FHIT: variants seen among roughly 807,000 people sequenced by gnomAD.
The protein encoded by FHIT is bis(5'-adenosyl)-triphosphatase.
In FHIT, 19 loss-of-function variants were observed where a neutral mutation model predicts 17.9. The observed-to-expected ratio is 1.06, with a 90% CI of 0.74 to 1.56. The LOEUF (loss-of-function observed/expected upper bound fraction) is 1.56. Among genes scored for constraint, FHIT ranks in the 40% most tolerant of loss-of-function variants. The pLI is 0.00. For missense variants in FHIT, 248 were observed against 189.2 expected, an observed-to-expected ratio of 1.31 and a Z score of -1.82; for synonymous variants, 81 against 69.7, an observed-to-expected ratio of 1.16 and a Z score of -0.81.
At chr3:60,143,347 G>A (rs1002099880) in intron 5 of FHIT, among the ~76,000 whole-genome samples, 3 of 152,084 alleles carry the variant, frequency 2.0e-5, no homozygotes, top group African/African-American at 7.2e-5. Context: ...AAGTGACAGT[G>A]CATCTTCACT....
At chr3:59,931,151 C>G (rs1705951673) in intron 7 of FHIT, among the ~76,000 whole-genome samples, 1 of 152,200 alleles carries the variant, frequency 6.6e-6, no homozygotes. Context: ...TCAATTCCAG[C>G]AGTGACTATA....
chr3:60,674,981 T>C (rs782407518), intron 4 of FHIT, among the ~76,000 whole-genome samples: 1 of 152,162 alleles, frequency 6.6e-6, no homozygotes, highest in Non-Finnish European at 1.5e-5. Context: ...AACTCTGCCT[T>C]ATCAGTTCAT....
At chr3:60,749,758 C>A (rs1235930338) in intron 4 of FHIT, among the ~76,000 whole-genome samples, 1 of 152,130 alleles carries the variant, frequency 6.6e-6, no homozygotes, top group African/African-American at 2.4e-5. Flanking sequence ...ACTTGGGAGT[C>A]ATTTGCCTAA....
intron 5 of FHIT, among the ~76,000 whole-genome samples, chr3:60,438,668 A>T (rs116343867): frequency 1.2e-4 from 18 of 152,170 alleles, no homozygotes; most frequent in Admixed American, 8.5e-4. Flanking sequence ...TGACAGTTCA[A>T]ATTTAAAGAG....
chr3:59,849,245 C>T (rs1370084870), intron 8 of FHIT, among the ~76,000 whole-genome samples: 3 of 151,912 alleles, frequency 2.0e-5, no homozygotes, highest in African/African-American at 4.8e-5. Flanking sequence ...TTGTGGTGCA[C>T]GTCTGTAATC....
rs187253663 is a variant in FHIT, at chr3:60,388,531, G to A, written c.103+148329C>T. Among the ~76,000 whole-genome samples, 363 of 152,224 alleles carry A rather than the reference G, an allele frequency of 2.4e-3. 2 individuals are homozygous for A. Among genetic ancestry groups the A allele is most frequent in the Non-Finnish European group, 3.2e-3 (215 of 68,012 alleles). ...GGTGACAGGATCATAAGCCCAGGAG[G>A]TGGAGGTTGCAATGAGCAGCGATCA... On this transcript the variant is annotated intron_variant, in intron 5 of 9. Coordinates refer to ENST00000492590, the MANE Select transcript of FHIT (RefSeq NM_002012.4).
At position 60,634,837 on chromosome 3, in the gene FHIT, T is replaced by C. The variant is rs543078991; in HGVS notation, c.-17-97858A>G. Among the ~76,000 whole-genome samples the C allele has an allele frequency of 3.3e-5, 5 of 152,350 alleles. No individual in the cohort carries two copies. The South Asian group carries it at 1.0e-3, about 32-fold the overall frequency. On this transcript the variant is annotated intron_variant, in intron 4 of 9. Transcript: ENST00000492590. Reference sequence around the variant, plus strand: ...AAAGTCACAGGGATTTGTTTTAACATGATTTCTTTTGCATTCCCATGTGGA... The same window carrying C: ...AAAGTCACAGGGATTTGTTTTAACACGATTTCTTTTGCATTCCCATGTGGA...
intron 3 of FHIT, among the ~76,000 whole-genome samples, chr3:60,871,476 C>G (rs1704414235): frequency 6.6e-6 from 1 of 152,064 alleles, no homozygotes. Flanking sequence ...TTTTTCAGCA[C>G]TAAACATGAT....
intron 5 of FHIT, among the ~76,000 whole-genome samples, chr3:60,383,673 T>C (rs1700896658): frequency 2.6e-5 from 4 of 151,918 alleles, no homozygotes; most frequent in African/African-American, 9.7e-5. Context: ...AAAAAAATCA[T>C]TTTGTCTTTC....
chr3:60,990,277 C>T (rs1323651632), intron 3 of FHIT, among the ~76,000 whole-genome samples: 1 of 152,180 alleles, frequency 6.6e-6, no homozygotes, highest in Non-Finnish European at 1.5e-5. Context: ...TGCGATATTA[C>T]AGAAATTGGT....
At chr3:60,808,644 A>C (rs1271230204) in intron 4 of FHIT, among the ~76,000 whole-genome samples, 1 of 152,236 alleles carries the variant, frequency 6.6e-6, no homozygotes, top group Non-Finnish European at 1.5e-5. Context: ...TTACAGCTGG[A>C]AAAGGGATGA....
At chr3:60,533,144 C>T (rs757356652) in intron 5 of FHIT, among the ~76,000 whole-genome samples, 101 of 152,296 alleles carry the variant, frequency 6.6e-4, no homozygotes, top group Non-Finnish European at 3.2e-4. Context: ...TACACTCACA[C>T]GCTTGTAAAC....
intron 4 of FHIT, among the ~76,000 whole-genome samples, chr3:60,810,119 T>C (rs1428126922): frequency 6.6e-6 from 1 of 152,228 alleles, no homozygotes; most frequent in Non-Finnish European, 1.5e-5. Flanking sequence ...TCCCAGTTTG[T>C]GTCAGCCTCA....
chr3:60,472,282 G>C (rs768409510), intron 5 of FHIT, among the ~76,000 whole-genome samples: 9 of 151,674 alleles, frequency 5.9e-5, no homozygotes, highest in Non-Finnish European at 1.2e-4. Context: ...ACTTCGAACT[G>C]TATGCCCACT....
chr3:60,246,454 C>T (rs1249925389), intron 5 of FHIT, among the ~76,000 whole-genome samples: 3 of 151,990 alleles, frequency 2.0e-5, no homozygotes, highest in Non-Finnish European at 4.4e-5. Flanking sequence ...TCAAATGTCC[C>T]GTGGATTTTA....
chr3:60,059,065 G>A (rs1018613155), intron 5 of FHIT, among the ~76,000 whole-genome samples: 30 of 152,126 alleles, frequency 2.0e-4, no homozygotes, highest in African/African-American at 7.2e-4. Flanking sequence ...GCAGGAGAGG[G>A]CCCTCCCAAC....
intron 3 of FHIT, among the ~76,000 whole-genome samples, chr3:60,965,364 C>A (rs556886137): frequency 6.6e-6 from 1 of 152,142 alleles, no homozygotes; most frequent in Non-Finnish European, 1.5e-5. Flanking sequence ...AGCTTCTTTG[C>A]GATGGGTTCG....
At chr3:60,093,619 CG>C (rs1184661800) in intron 5 of FHIT, among the ~76,000 whole-genome samples, 1 of 152,092 alleles carries the variant, frequency 6.6e-6, no homozygotes, top group Non-Finnish European at 1.5e-5. Flanking sequence ...AGGTGAGTGG[CG>C]GGTGAGCAAG....
At chr3:59,881,614 C>T (rs1297893669) in intron 8 of FHIT, among the ~76,000 whole-genome samples, 1 of 152,172 alleles carries the variant, frequency 6.6e-6, no homozygotes, top group Admixed American at 6.5e-5. Flanking sequence ...CCACAAACTC[C>T]AGTGTAAAAA....
Sources: gnomAD v4.1 joint callset for allele counts (sites outside exome capture counted in the v4.1 genomes callset) on GRCh38, gnomAD v4.1.1 for gene constraint, MANE v1.5 for transcripts, NCBI Gene and HGNC (gene_info 2026-07-23, HGNC 2026-07-21) for gene names.